CLOCK: variants seen among roughly 807,000 people sequenced by gnomAD.
CLOCK encodes the protein circadian locomoter output cycles protein kaput.
A neutral mutation model predicts 118.4 loss-of-function variants in CLOCK; 43 were observed. The observed-to-expected ratio is 0.36, with a 90% CI of 0.28 to 0.47. The LOEUF is 0.47. Among genes scored for constraint, CLOCK ranks in the 20% least tolerant of loss-of-function variants. CLOCK has a pLI of 1.00. For missense variants in CLOCK, 846 were observed against 999.9 expected (o/e 0.85, Z 2.08); for synonymous variants, 326 against 339.2 (o/e 0.96, Z 0.43).
chr4:55,430,034 C>T lies in CLOCK; in HGVS notation c.*5381G>A, dbSNP rs1722399285. 1 of 152,178 alleles carries T rather than the reference C, an allele frequency of 6.6e-6. No homozygotes were observed. Among genetic ancestry groups the T allele is most frequent in the African/African-American group, 2.4e-5 (1 of 41,434 alleles). The allele number at this position is 152,178 out of a possible 1,614,324, so 9.4% of individuals were successfully genotyped here. A position where few individuals can be genotyped will look rare whatever the true frequency, so the allele number is the denominator to read the frequency against. ...CATTAAATACATGACACCGAAATCACTTTGATGAGAAAACAGAACACACAG... is the reference window on the plus strand; with the variant it reads ...CATTAAATACATGACACCGAAATCATTTTGATGAGAAAACAGAACACACAG... On this transcript the variant is annotated 3_prime_UTR_variant, in exon 23 of 23. Transcript: ENST00000513440.
At chr4:55,504,283 CA>C (rs35414558) in intron 2 of CLOCK, among the ~76,000 whole-genome samples, 3,335 of 51,916 alleles carry the variant, frequency 0.064, 66 homozygotes, top group African/African-American at 0.22. Flanking sequence ...GAGACTCCAT[CA>C]AAAAAAAAAA....
In CLOCK at chr4:55,434,311, G is replaced by C. The variant is rs1421823742; in HGVS notation, c.*1104C>G. The stretch of plus-strand genomic sequence containing the variant: ...AAAAAGATTTCAACAAATCCCAAAA[G>C]TTAAAATTCCCATGATTGAGAATGT... On this transcript the variant is annotated 3_prime_UTR_variant, in exon 23 of 23. Transcript: ENST00000513440. The C allele has an allele frequency of 6.6e-6, 1 of 152,520 alleles. No homozygotes were observed. The highest frequency in any genetic ancestry group is 1.9e-4 in the East Asian group (1 of 5,190). The allele number at this position is 152,520 out of a possible 1,614,324, so 9.4% of individuals were successfully genotyped here.
chr4:55,465,245 A>G (rs1381155757), intron 8 of CLOCK, among the ~76,000 whole-genome samples: 2 of 152,328 alleles, frequency 1.3e-5, no homozygotes, highest in Middle Eastern at 3.4e-3. Context: ...TAAATAATCT[A>G]GAAATGATTT....
At chr4:55,444,267 A>T (rs1332190662) in intron 19 of CLOCK, among the ~76,000 whole-genome samples, 1 of 152,210 alleles carries the variant, frequency 6.6e-6, no homozygotes, top group Non-Finnish European at 1.5e-5. Context: ...ACTAATTTGA[A>T]TCATACATAC....
chr4:55,479,015 GTAGTT>G, intron 5 of CLOCK, 52 bp from the exon 6 acceptor site: 1 of 1,409,480 alleles, frequency 7.1e-7, no homozygotes, highest in Non-Finnish European at 9.8e-7. Flanking sequence ...AATTACACAA[GTAGTT>G]TAATACAATG....
chr4:55,494,308 T>C (rs1468112106), intron 2 of CLOCK, among the ~76,000 whole-genome samples: 3 of 152,174 alleles, frequency 2.0e-5, no homozygotes, highest in East Asian at 1.9e-4. Flanking sequence ...CTCCGAAGAA[T>C]GTCCATTCCC....
At chr4:55,436,249 G>A (rs369567693) in intron 22 of CLOCK, among the ~76,000 whole-genome samples, 1 of 152,136 alleles carries the variant, frequency 6.6e-6, no homozygotes, top group African/African-American at 2.4e-5. Flanking sequence ...CCTTAGGTCC[G>A]ATAAGCAGCA....
At chr4:55,497,783 A>G (rs1728181014) in intron 2 of CLOCK, among the ~76,000 whole-genome samples, 1 of 152,226 alleles carries the variant, frequency 6.6e-6, no homozygotes, top group South Asian at 2.1e-4. Flanking sequence ...CAATGTCCAA[A>G]TGAATACTAG....
Position 55,433,933 on chromosome 4 carries a change from A to C in CLOCK, c.*1482T>G, listed in dbSNP as rs1722687189. The C allele has an allele frequency of 6.6e-6, 1 of 152,238 alleles. No homozygotes were observed. Among genetic ancestry groups the C allele is most frequent in the Non-Finnish European group, 1.5e-5 (1 of 68,030 alleles). 9.4% of individuals were successfully genotyped at this position (152,238 alleles called of 1,614,324 possible). A position where few individuals can be genotyped will look rare whatever the true frequency, so the allele number is the denominator to read the frequency against. On this transcript the variant is annotated 3_prime_UTR_variant, in exon 23 of 23. Coordinates refer to ENST00000513440, the MANE Select transcript of CLOCK (RefSeq NM_004898.4). ...ATCATATTGAGCAAATATTTCTGGTAAATTCTTAAATGACTAAAGAAAAAT... is the reference window on the plus strand; with the variant it reads ...ATCATATTGAGCAAATATTTCTGGTCAATTCTTAAATGACTAAAGAAAAAT...
intron 6 of CLOCK, 71 bp downstream of exon 6, chr4:55,478,744 T>A (rs1329603160): frequency 6.8e-7 from 1 of 1,477,906 alleles, no homozygotes; most frequent in African/African-American, 1.4e-5. Flanking sequence ...GCATCCAATC[T>A]TAAGCATCTC....
chr4:55,458,802 G>A, intron 11 of CLOCK, 90 bp downstream of exon 11: 2 of 842,858 alleles, frequency 2.4e-6, no homozygotes, highest in Non-Finnish European at 4.1e-6. Context: ...ATGACTCATA[G>A]CCATTCCACC....
At chr4:55,521,271 T>A (rs1729829556) in intron 1 of CLOCK, among the ~76,000 whole-genome samples, 1 of 152,156 alleles carries the variant, frequency 6.6e-6, no homozygotes. Flanking sequence ...CAGGCTGGAG[T>A]GCAATGGCAT....
chr4:55,469,001 G>A (rs538020000), intron 8 of CLOCK, among the ~76,000 whole-genome samples: 3 of 152,010 alleles, frequency 2.0e-5, no homozygotes, highest in Non-Finnish European at 4.4e-5. Context: ...AACCTACTGT[G>A]CCACCAATCA....
At chr4:55,529,160 AT>A in intron 1 of CLOCK, among the ~76,000 whole-genome samples, 1 of 152,248 alleles carries the variant, frequency 6.6e-6, no homozygotes, top group South Asian at 2.1e-4. Context: ...GATATTATCT[AT>A]TTTTTTAGTT....
chr4:55,513,129 G>A (rs1448190491), intron 1 of CLOCK, among the ~76,000 whole-genome samples: 4 of 152,000 alleles, frequency 2.6e-5, no homozygotes, highest in Non-Finnish European at 5.9e-5. Flanking sequence ...CTCACCCTAC[G>A]CAACTTCCAG....
chr4:55,438,604 G>A, intron 21 of CLOCK, 67 bp from the exon 22 acceptor site: 1 of 1,608,634 alleles, frequency 6.2e-7, no homozygotes, highest in Admixed American at 1.7e-5. Flanking sequence ...AAACGCAGTG[G>A]AGTAAATACT....
At chr4:55,479,741 A>C in intron 4 of CLOCK, 42 bp from the exon 5 acceptor site, 1 of 1,462,712 alleles carries the variant, frequency 6.8e-7, no homozygotes, top group Admixed American at 1.7e-5. Flanking sequence ...AGACTCACTA[A>C]GCAACAGCAA....
intron 18 of CLOCK, among the ~76,000 whole-genome samples, chr4:55,445,579 A>ATTTTTTTTTTT (rs1191320465): frequency 1.5e-5 from 1 of 65,518 alleles, no homozygotes; most frequent in African/African-American, 5.3e-5. Context: ...CTATTTCTAT[A>ATTTTTTTTTTT]TTCTTTTTTT....
chr4:55,495,129 T>C (rs1165532865), intron 2 of CLOCK, among the ~76,000 whole-genome samples: 2 of 152,138 alleles, frequency 1.3e-5, no homozygotes, highest in African/African-American at 4.8e-5. Flanking sequence ...CAACAAGAAA[T>C]GCCCAAGACT....
Sources: gnomAD v4.1 joint callset for allele counts (sites outside exome capture counted in the v4.1 genomes callset) on GRCh38, gnomAD v4.1.1 for gene constraint, MANE v1.5 for transcripts, NCBI Gene and HGNC (gene_info 2026-07-23, HGNC 2026-07-21) for gene names.